The following CCDC15 variants were observed in gnomAD, a reference collection of about 807,000 sequenced individuals.
CCDC15 encodes the protein coiled-coil domain containing 15.
Under a neutral mutation model 114.5 loss-of-function variants are expected in CCDC15, and 105 were observed. That is an observed-to-expected ratio of 0.92 (90% CI 0.78 to 1.08). CCDC15 has a LOEUF of 1.08. Ranked by LOEUF, CCDC15 falls within the 50% of genes least tolerant of loss-of-function variation. CCDC15 has a pLI of 0.00. For missense variants in CCDC15, 1,105 were observed against 1,093.6 expected (o/e 1.01, Z -0.15); for synonymous variants, 334 against 377.8 (o/e 0.88, Z 1.34).
At chr11:124,979,507 T>A (rs892052032) in intron 6 of CCDC15, among the ~76,000 whole-genome samples, 2 of 152,206 alleles carry the variant, frequency 1.3e-5, no homozygotes, top group Non-Finnish European at 2.9e-5. Flanking sequence ...CCTCCTTAGT[T>A]AGCTGTATTC....
chr11:125,030,518 T>C (rs939092982), intron 13 of CCDC15, among the ~76,000 whole-genome samples: 2 of 152,158 alleles, frequency 1.3e-5, no homozygotes, highest in Non-Finnish European at 2.9e-5. Flanking sequence ...GTGTGCAGGA[T>C]AGGCAAACCC....
chr11:124,954,371 G>C lies in CCDC15; in HGVS notation c.-10+1G>C, dbSNP rs1047674247. ...TTGGGACTCTCGGCTGCAGACACAG[G>C]TCCCCGCCCCTCCCTCTTTCTCCGG... is the stretch of plus-strand genomic sequence containing the variant. On this transcript the variant is annotated splice_donor_variant, in intron 1 of 15. Transcript: ENST00000344762. LOFTEE classifies it low-confidence loss of function (5UTR_SPLICE). 32 of 200,698 alleles carry C rather than the reference G, an allele frequency of 1.6e-4. No individual in the cohort carries two copies. Among genetic ancestry groups the C allele is most frequent in the African/African-American group, 6.8e-4 (29 of 42,946 alleles). The allele number at this position is 200,698 out of a possible 1,614,324, so 12.4% of individuals were successfully genotyped here.
At chr11:124,993,290 G>T in intron 11 of CCDC15, 47 bp downstream of exon 11, 1 of 1,278,752 alleles carries the variant, frequency 7.8e-7, no homozygotes, top group Non-Finnish European at 1.1e-6. Flanking sequence ...TAGAGAAGTA[G>T]AGCAGAATAT....
chr11:125,038,695 T>TG, intron 14 of CCDC15, 91 bp downstream of exon 14: 1 of 1,278,304 alleles, frequency 7.8e-7, no homozygotes, highest in Non-Finnish European at 1.1e-6. Context: ...GAATTGACTG[T>TG]GTCTTTTCAT....
At chr11:125,040,424 C>T (rs936117286) in intron 15 of CCDC15, among the ~76,000 whole-genome samples, 166 bp from the exon 16 acceptor site, 1 of 152,102 alleles carries the variant, frequency 6.6e-6, no homozygotes, top group African/African-American at 2.4e-5. Flanking sequence ...ATTATTTTTT[C>T]TGTCCTCACA....
intron 6 of CCDC15, among the ~76,000 whole-genome samples, chr11:124,985,689 A>G (rs1948146882): frequency 6.6e-6 from 1 of 151,188 alleles, no homozygotes. Flanking sequence ...TCTTTTTATT[A>G]TCAAATTGTT....
chr11:124,992,257 T>A (rs1252454035), intron 9 of CCDC15, among the ~76,000 whole-genome samples: 1 of 152,228 alleles, frequency 6.6e-6, no homozygotes, highest in East Asian at 1.9e-4. Context: ...GTTGACTATT[T>A]TAATTTAACA....
At chr11:125,017,571 C>T (rs1412324110) in intron 13 of CCDC15, among the ~76,000 whole-genome samples, 3 of 151,982 alleles carry the variant, frequency 2.0e-5, no homozygotes, top group East Asian at 1.9e-4. Flanking sequence ...TGGCTGATGA[C>T]GATAATGAAC....
chr11:124,987,342 A>C lies in CCDC15; in HGVS notation c.1116A>C (p.Pro372=). 1.2e-6 allele frequency: 2 copies of C among 1,613,600 alleles called. No homozygotes were observed. Among genetic ancestry groups the C allele is most frequent in the Non-Finnish European group, 1.7e-6 (2 of 1,179,540 alleles). The part of the protein sequence containing the change: ...AVEMKVQVTE[P]EGQAIEPEGQ... Reference sequence around the variant, plus strand: ...AAATGAAGGTTCAGGTTACTGAGCCAGAAGGCCAGGCCATTGAGCCAGAAG... The same window carrying C: ...AAATGAAGGTTCAGGTTACTGAGCCCGAAGGCCAGGCCATTGAGCCAGAAG... Residue 372 remains proline (P), a synonymous_variant, in exon 8 of 16, where the codon CCA becomes CCC. Transcript: ENST00000344762.
intron 11 of CCDC15, among the ~76,000 whole-genome samples, chr11:125,001,164 T>G (rs1427164313): frequency 6.6e-6 from 1 of 152,140 alleles, no homozygotes; most frequent in Non-Finnish European, 1.5e-5. Flanking sequence ...TGCAAAAACT[T>G]GGCACCAAAT....
At chr11:125,000,225 A>G (rs1948455467) in intron 11 of CCDC15, among the ~76,000 whole-genome samples, 1 of 152,078 alleles carries the variant, frequency 6.6e-6, no homozygotes, top group African/African-American at 2.4e-5. Flanking sequence ...AGAATATTGT[A>G]TCTTTTATTT....
chr11:124,959,347 G>A, intron 3 of CCDC15, 83 bp downstream of exon 3: 1 of 1,197,130 alleles, frequency 8.4e-7, no homozygotes, highest in Non-Finnish European at 1.1e-6. Flanking sequence ...TAACAGAATT[G>A]CTTTCCTTTG....
chr11:125,016,961 A>T (rs550853242), intron 13 of CCDC15, among the ~76,000 whole-genome samples: 5 of 152,206 alleles, frequency 3.3e-5, no homozygotes, highest in African/African-American at 1.2e-4. Context: ...TACAGATGGT[A>T]TCAGAAGACT....
chr11:124,960,115 C>A, intron 4 of CCDC15, 112 bp downstream of exon 4: 4 of 627,336 alleles, frequency 6.4e-6, no homozygotes, highest in Non-Finnish European at 9.3e-6. Flanking sequence ...CACTCAGCTT[C>A]ACTTTTGATA....
rs61912661 is a variant in CCDC15 at position 124,987,861 on chromosome 11, T to C, written c.1635T>C (p.His545=). 7,988 of 1,614,020 alleles carry C rather than the reference T, an allele frequency of 4.9e-3. 28 individuals are homozygous for C. The highest frequency in any genetic ancestry group is 6.1e-3 in the Non-Finnish European group (7,151 of 1,179,882). The part of the protein sequence containing the change: ...KDQDFLSRDQ[H]VLPKDWNILP... The stretch of plus-strand genomic sequence containing the variant: ...AGGACTTTTTATCTAGAGACCAGCA[T>C]GTTCTCCCCAAAGACTGGAATATTC... Residue 545 remains histidine, a synonymous_variant, in exon 8 of 16, where the codon CAT becomes CAC. Coordinates refer to ENST00000344762, the MANE Select transcript of CCDC15 (RefSeq NM_025004.3).
chr11:125,040,773 A>G lies in CCDC15; in HGVS notation c.*62A>G. ...TACTTAAAATCATCCCTGAGAGAGT[A>G]TTTAAGAAAAGCTGTTCAAGTTATA... On this transcript the variant is annotated 3_prime_UTR_variant, in exon 16 of 16. Transcript: ENST00000344762. The G allele has an allele frequency of 4.9e-6, 7 of 1,418,348 alleles. No homozygotes were observed. Among genetic ancestry groups the G allele is most frequent in the Non-Finnish European group, 6.8e-6 (7 of 1,026,518 alleles). 87.9% of individuals were successfully genotyped at this position (1,418,348 alleles called of 1,614,324 possible).
chr11:125,014,849 A>T (rs1385314001), intron 13 of CCDC15, among the ~76,000 whole-genome samples: 1 of 152,202 alleles, frequency 6.6e-6, no homozygotes, highest in African/African-American at 2.4e-5. Context: ...GAAAAGTGGA[A>T]ACATTTATAA....
intron 13 of CCDC15, among the ~76,000 whole-genome samples, chr11:125,036,746 A>G (rs1948777063): frequency 6.6e-6 from 1 of 151,780 alleles, no homozygotes; most frequent in Non-Finnish European, 1.5e-5. Flanking sequence ...GATTAATTCC[A>G]CTATTAACAG....
intron 13 of CCDC15, among the ~76,000 whole-genome samples, chr11:125,007,789 ATG>A (rs1948562589): frequency 6.6e-6 from 1 of 151,990 alleles, no homozygotes. Context: ...CTGTGGTGAG[ATG>A]ATATCTCATT....
Sources: allele counts gnomAD v4.1 joint callset (sites outside exome capture counted in the v4.1 genomes callset), GRCh38; gene constraint gnomAD v4.1.1; transcripts MANE v1.5; gene names NCBI Gene and HGNC (gene_info 2026-07-23, HGNC 2026-07-21).